UTRN: variants seen among roughly 807,000 people sequenced by gnomAD.
UTRN encodes the protein dystrophin-related protein 1.
A neutral mutation model predicts 463.9 loss-of-function variants in UTRN; 283 were observed. The ratio of observed to expected loss-of-function variants is 0.61; its 90% CI spans 0.55 to 0.67. The LOEUF (loss-of-function observed/expected upper bound fraction) is 0.67, where lower values mean the gene tolerates loss of function less well. Among genes scored for constraint, UTRN ranks in the 30% least tolerant of loss-of-function variants. UTRN has a pLI of 0.00. For synonymous variants in UTRN, 1,442 were observed against 1,431.5 expected (o/e 1.01, Z -0.17); for missense variants, 3,922 against 4,084.3 (o/e 0.96, Z 1.08).
At chr6:144,365,940 G>A (rs1482830805) in intron 2 of UTRN, among the ~76,000 whole-genome samples, 3 of 152,164 alleles carry the variant, frequency 2.0e-5, no homozygotes, top group African/African-American at 4.8e-5. Context: ...GTTTCGCCAT[G>A]TTGGCCAGGC....
At chr6:144,646,908 A>T (rs890404615) in intron 51 of UTRN, among the ~76,000 whole-genome samples, 1 of 152,196 alleles carries the variant, frequency 6.6e-6, no homozygotes, top group African/African-American at 2.4e-5. Context: ...TGTGGTGGGT[A>T]AATGAAAACC....
In UTRN at chr6:144,499,287, G is replaced by C; in HGVS notation, c.4624G>C (p.Ala1542Pro). The C allele has an allele frequency of 6.2e-7, 1 of 1,612,922 alleles. No homozygotes were observed. The highest frequency in any genetic ancestry group is 8.5e-7 in the Non-Finnish European group (1 of 1,179,226). The change falls in exon 34 of 75, where the codon GCA (alanine) becomes CCA (proline). Residue 1542 changes from alanine to proline, a missense_variant. Coordinates refer to ENST00000367545, the MANE Select transcript of UTRN (RefSeq NM_007124.3). ...VTEGKQDLERASQLARKMKKE... is the reference protein window; with the variant it reads ...VTEGKQDLERPSQLARKMKKE... ...AGAAGGAAAACAGGATCTGGAAAGA[G>C]CATCACAGTTGGCCCGGAAAATGAA...
At chr6:144,685,197 A>G (rs759060973) in intron 52 of UTRN, among the ~76,000 whole-genome samples, 1 of 152,186 alleles carries the variant, frequency 6.6e-6, no homozygotes, top group Non-Finnish European at 1.5e-5. Flanking sequence ...AGTTGCTGAA[A>G]AAGACATTAT....
chr6:144,560,165 G>A (rs1475000564), intron 50 of UTRN, among the ~76,000 whole-genome samples: 1 of 152,160 alleles, frequency 6.6e-6, no homozygotes, highest in Non-Finnish European at 1.5e-5. Flanking sequence ...GTACAGAGAA[G>A]TTAAGGAATT....
intron 41 of UTRN, among the ~76,000 whole-genome samples, chr6:144,528,495 T>G (rs187720611): frequency 6.6e-6 from 1 of 152,344 alleles, no homozygotes; most frequent in Non-Finnish European, 1.5e-5. Flanking sequence ...GCTTCCTTGA[T>G]GTAGTGCTCT....
chr6:144,395,189 T>G (rs1385216994), intron 2 of UTRN, among the ~76,000 whole-genome samples: 1 of 152,194 alleles, frequency 6.6e-6, no homozygotes, highest in Non-Finnish European at 1.5e-5. Context: ...TTCATGACAG[T>G]GACTCATATC....
intron 51 of UTRN, among the ~76,000 whole-genome samples, chr6:144,674,344 T>G (rs1781373726): frequency 6.6e-6 from 1 of 151,696 alleles, no homozygotes; most frequent in Non-Finnish European, 1.5e-5. Context: ...TTTTTTTTAA[T>G]TATTTTTTAT....
chr6:144,743,273 A>G (rs1446271845), intron 54 of UTRN, among the ~76,000 whole-genome samples: 2 of 152,248 alleles, frequency 1.3e-5, no homozygotes, highest in Non-Finnish European at 2.9e-5. Context: ...AAATGTTGAT[A>G]TCATAATTGA....
At chr6:144,655,899 C>T (rs1050851323) in intron 51 of UTRN, among the ~76,000 whole-genome samples, 2 of 152,154 alleles carry the variant, frequency 1.3e-5, no homozygotes, top group South Asian at 4.1e-4. Context: ...AATTGTCCTA[C>T]CCTTTGAAAG....
At chr6:144,322,098 C>A (rs532866198) in intron 2 of UTRN, among the ~76,000 whole-genome samples, 2 of 152,344 alleles carry the variant, frequency 1.3e-5, no homozygotes, top group African/African-American at 4.8e-5. Context: ...GTTCTCAGTG[C>A]TGAGCCTCTA....
At chr6:144,522,247 C>T in intron 40 of UTRN, 76 bp downstream of exon 40, 1 of 1,187,730 alleles carries the variant, frequency 8.4e-7, no homozygotes, top group Non-Finnish European at 1.1e-6. Flanking sequence ...CTTGTGCCTA[C>T]TTAGATGGTC....
chr6:144,539,142 A>G, intron 44 of UTRN, 152 bp from the exon 45 acceptor site: 1 of 840,634 alleles, frequency 1.2e-6, no homozygotes, highest in Non-Finnish European at 1.7e-6. Flanking sequence ...ATCATTTGTT[A>G]GCATGAGCTT....
In UTRN at chr6:144,758,436, A is replaced by G. The variant is rs539925198; in HGVS notation, c.8495+447A>G. The G allele has an allele frequency of 2.6e-5, 4 of 152,372 alleles. No individual in the cohort carries two copies. In the East Asian group the frequency reaches 7.7e-4, roughly 29 times the overall value. 9.4% of individuals were successfully genotyped at this position (152,372 alleles called of 1,614,324 possible). A position where few individuals can be genotyped will look rare whatever the true frequency, so the allele number is the denominator to read the frequency against. On this transcript the variant is annotated intron_variant, in intron 58 of 74. Coordinates refer to ENST00000367545, the MANE Select transcript of UTRN (RefSeq NM_007124.3). ...GAAAATCCATATAAAAATGTCTTATACTCTTGTCATTTTATTCCACCAATA... is the reference window on the plus strand; with the variant it reads ...GAAAATCCATATAAAAATGTCTTATGCTCTTGTCATTTTATTCCACCAATA...
intron 51 of UTRN, among the ~76,000 whole-genome samples, chr6:144,581,757 A>G (rs975917430): frequency 6.6e-6 from 1 of 152,186 alleles, no homozygotes; most frequent in South Asian, 2.1e-4. Flanking sequence ...TTTCTAGTCT[A>G]TTCACGATTG....
intron 27 of UTRN, among the ~76,000 whole-genome samples, chr6:144,483,155 C>T (rs962156171): frequency 6.6e-6 from 1 of 152,142 alleles, no homozygotes; most frequent in Non-Finnish European, 1.5e-5. Context: ...TCATTCATTA[C>T]TTTGATCATT....
intron 46 of UTRN, among the ~76,000 whole-genome samples, chr6:144,545,253 C>T (rs1338686622): frequency 6.6e-6 from 1 of 152,220 alleles, no homozygotes; most frequent in East Asian, 1.9e-4. Flanking sequence ...ATTCTTGCCT[C>T]AGTACTTCTC....
At chr6:144,526,141 A>C (rs1796551759) in intron 41 of UTRN, among the ~76,000 whole-genome samples, 1 of 152,188 alleles carries the variant, frequency 6.6e-6, no homozygotes, top group Non-Finnish European at 1.5e-5. Flanking sequence ...GTGTTCATGA[A>C]TAGAATATAT....
intron 50 of UTRN, among the ~76,000 whole-genome samples, chr6:144,558,351 A>G (rs371303585): frequency 6.6e-6 from 1 of 152,204 alleles, no homozygotes; most frequent in Admixed American, 6.5e-5. Context: ...ACAAAACTTC[A>G]CAAGTGGTTA....
At chr6:144,749,060 G>A (rs570129301) in intron 55 of UTRN, among the ~76,000 whole-genome samples, 6 of 152,170 alleles carry the variant, frequency 3.9e-5, no homozygotes, top group East Asian at 3.9e-4. Context: ...GTATCTTATT[G>A]TATATTAATG....
Sources: allele counts gnomAD v4.1 joint callset (sites outside exome capture counted in the v4.1 genomes callset), GRCh38; gene constraint gnomAD v4.1.1; transcripts MANE v1.5; gene names NCBI Gene and HGNC (gene_info 2026-07-23, HGNC 2026-07-21).